Variants in CNNM2 observed in about 807,000 individuals in gnomAD.
The protein encoded by CNNM2 is cyclin and CBS domain divalent metal cation transport mediator 2.
A neutral mutation model predicts 66.9 loss-of-function variants in CNNM2; 12 were observed. That is an observed-to-expected ratio of 0.18 (90% confidence interval 0.11 to 0.29). The LOEUF is 0.29. Among genes scored for constraint, CNNM2 ranks in the 10% least tolerant of loss-of-function variants. The pLI is 1.00. For missense variants in CNNM2, 705 were observed against 1,167.7 expected, an observed-to-expected ratio of 0.60 and a Z score of 5.77; for synonymous variants, 557 against 501.8, an observed-to-expected ratio of 1.11 and a Z score of -1.47.
intron 1 of CNNM2, among the ~76,000 whole-genome samples, 162 bp downstream of exon 1, chr10:102,920,263 T>G (rs978723228): frequency 6.6e-5 from 10 of 152,168 alleles, no homozygotes; most frequent in Non-Finnish European, 1.5e-4. Flanking sequence ...GATTTGGGGA[T>G]GGATTGAACT....
chr10:103,040,038 A>C (rs1446298863), intron 1 of CNNM2, among the ~76,000 whole-genome samples: 1 of 152,008 alleles, frequency 6.6e-6, no homozygotes, highest in Non-Finnish European at 1.5e-5. Flanking sequence ...ATGGTGGTGC[A>C]TGCCTGTAAT....
chr10:102,979,791 A>G (rs925533715), intron 1 of CNNM2, among the ~76,000 whole-genome samples: 1 of 42,486 alleles, frequency 2.4e-5, no homozygotes, highest in Admixed American at 2.1e-4. Context: ...AAAATTACTT[A>G]ATTTTAATTT....
intron 1 of CNNM2, among the ~76,000 whole-genome samples, chr10:102,995,887 A>G (rs2063990728): frequency 6.6e-6 from 1 of 151,956 alleles, no homozygotes; most frequent in African/African-American, 2.4e-5. Flanking sequence ...TTTAGTAGAG[A>G]TGGGGTTTCT....
intron 1 of CNNM2, among the ~76,000 whole-genome samples, chr10:103,005,034 T>C (rs2064198742): frequency 6.6e-6 from 1 of 152,060 alleles, no homozygotes; most frequent in Non-Finnish European, 1.5e-5. Context: ...TTCCTCAGCC[T>C]CCCGAGTAGC....
At chr10:102,923,144 C>T (rs61870816) in intron 1 of CNNM2, among the ~76,000 whole-genome samples, 2 of 150,656 alleles carry the variant, frequency 1.3e-5, no homozygotes, top group African/African-American at 2.4e-5. Flanking sequence ...TTTTTTTCCC[C>T]AAGAGACAAG....
At chr10:102,940,118 A>G (rs1240007489) in intron 1 of CNNM2, among the ~76,000 whole-genome samples, 1 of 152,030 alleles carries the variant, frequency 6.6e-6, no homozygotes, top group African/African-American at 2.4e-5. Flanking sequence ...CTTCTTTTTT[A>G]AAAATTTTTA....
intron 1 of CNNM2, among the ~76,000 whole-genome samples, chr10:102,959,611 C>G (rs894984425): frequency 2.0e-5 from 3 of 152,072 alleles, no homozygotes; most frequent in Non-Finnish European, 4.4e-5. Flanking sequence ...GGGTCTTGCT[C>G]TGTCACCCAA....
In CNNM2 at chr10:103,077,303, C is replaced by A; in HGVS notation, c.*123C>A. 1 of 847,074 alleles carries A rather than the reference C, an allele frequency of 1.2e-6. No homozygotes were observed. The highest frequency in any genetic ancestry group is 1.8e-6 in the Non-Finnish European group (1 of 548,158). The allele number at this position is 847,074 out of a possible 1,614,324, so 52.5% of individuals were successfully genotyped here. A position where few individuals can be genotyped will look rare whatever the true frequency, so the allele number is the denominator to read the frequency against. ...GCTGTACCCTGCAACATCCTGAGAC[C>A]AAAGACCTTGTGCCCTTCCCAGGAG... is the stretch of plus-strand genomic sequence containing the variant. On this transcript the variant is annotated 3_prime_UTR_variant, in exon 8 of 8. Transcript: ENST00000369878.
chr10:102,942,710 A>G (rs1373115791), intron 1 of CNNM2, among the ~76,000 whole-genome samples: 1 of 152,212 alleles, frequency 6.6e-6, no homozygotes, highest in African/African-American at 2.4e-5. Context: ...TAGTAATTCT[A>G]TTCTTAATTT....
At position 103,085,473 on chromosome 10, in the gene CNNM2, G is replaced by C. The variant is rs559173407; in HGVS notation, c.*8293G>C. 11 of 152,304 alleles carry C rather than the reference G, an allele frequency of 7.2e-5. No individual in the cohort carries two copies. Among genetic ancestry groups the C allele is most frequent in the African/African-American group, 2.6e-4 (11 of 41,570 alleles). 9.4% of individuals were successfully genotyped at this position (152,304 alleles called of 1,614,324 possible). The stretch of plus-strand genomic sequence containing the variant: ...GAAGGACTATTGCTGCCTTTCGTGG[G>C]AAAAATGTGTGCTCAGCTGCTTGGG... On this transcript the variant is annotated 3_prime_UTR_variant, in exon 8 of 8. Coordinates refer to ENST00000369878, the MANE Select transcript of CNNM2 (RefSeq NM_017649.5).
Position 102,983,080 on chromosome 10 carries a change from T to C in CNNM2, c.1621+62979T>C, listed in dbSNP as rs944558676. ...CCCATATTTTGTGGCTTATTGTTTG[T>C]TCAACTTTGATATTGATTTTAATTG... On this transcript the variant is annotated intron_variant, in intron 1 of 7. Coordinates refer to ENST00000369878, the MANE Select transcript of CNNM2 (RefSeq NM_017649.5). 8.5e-5 allele frequency among the ~76,000 whole-genome samples: 13 copies of C among 152,186 alleles called. No individual in the cohort carries two copies. In the East Asian group the frequency reaches 2.5e-3, roughly 29 times the overall value.
chr10:103,067,464 G>A (rs959521730), intron 4 of CNNM2, among the ~76,000 whole-genome samples: 1 of 152,170 alleles, frequency 6.6e-6, no homozygotes, highest in African/African-American at 2.4e-5. Context: ...GCTGCATCGA[G>A]TTGTGCACAT....
At position 103,054,342 on chromosome 10, in the gene CNNM2, G is replaced by C. The variant is rs780257259; in HGVS notation, c.1779G>C (p.Thr593=). The C allele has an allele frequency of 7.4e-6, 12 of 1,613,398 alleles. No individual in the cohort carries two copies. Among genetic ancestry groups the C allele is most frequent in the Admixed American group, 1.7e-5 (1 of 59,982 alleles). ...DETDLYTDNR[T]KKKVAHRERK... Reference sequence around the variant, plus strand: ...TTCCTCCCTTAGCTGACAACAGAACGAAAAAGAAAGTGGCTCACCGGGAAC... The same window carrying C: ...TTCCTCCCTTAGCTGACAACAGAACCAAAAAGAAAGTGGCTCACCGGGAAC... Residue 593 remains threonine (T), a synonymous_variant, in exon 3 of 8, where the codon ACG becomes ACC. Transcript: ENST00000369878. This position sits in a 1 kb window ranked among gnomAD's most constrained non-coding sequence, Gnocchi z 5.2.
At chr10:102,965,640 G>T (rs897178631) in intron 1 of CNNM2, among the ~76,000 whole-genome samples, 1 of 152,136 alleles carries the variant, frequency 6.6e-6, no homozygotes, top group South Asian at 2.1e-4. Flanking sequence ...TTGAGTCAGC[G>T]TCTTTATCCT....
At position 103,088,326 on chromosome 10, in the gene CNNM2, T is replaced by TAACA. The variant is rs1179808947; in HGVS notation, c.*11147_*11150dup. On this transcript the variant is annotated 3_prime_UTR_variant, in exon 8 of 8. Coordinates refer to ENST00000369878, the MANE Select transcript of CNNM2 (RefSeq NM_017649.5). ...TACTGGTGAAACAGTTTTAATACCCTAACATACACAGTAATGATTCATTCT... is the reference window on the plus strand; with the variant it reads ...TACTGGTGAAACAGTTTTAATACCCTAACAAACATACACAGTAATGATTCATTCT... The TAACA allele has an allele frequency of 2.0e-5, 3 of 152,376 alleles. No individual in the cohort carries two copies. The highest frequency in any genetic ancestry group is 3.4e-3 in the Middle Eastern group (1 of 294). 9.4% of individuals were successfully genotyped at this position (152,376 alleles called of 1,614,324 possible). A position where few individuals can be genotyped will look rare whatever the true frequency, so the allele number is the denominator to read the frequency against.
At chr10:102,964,746 ACCT>A (rs1413129134) in intron 1 of CNNM2, among the ~76,000 whole-genome samples, 1 of 151,920 alleles carries the variant, frequency 6.6e-6, no homozygotes, top group African/African-American at 2.4e-5. Flanking sequence ...TCTTTAAAAC[ACCT>A]CCTAGGATTC....
chr10:103,011,191 A>G (rs762271294), intron 1 of CNNM2, among the ~76,000 whole-genome samples: 8 of 152,210 alleles, frequency 5.3e-5, no homozygotes, highest in Non-Finnish European at 1.2e-4. Flanking sequence ...ACAGTGGCTC[A>G]TGCCTGTAAT....
At chr10:102,949,509 C>T (rs980910874) in intron 1 of CNNM2, among the ~76,000 whole-genome samples, 16 of 151,652 alleles carry the variant, frequency 1.1e-4, no homozygotes, top group African/African-American at 3.6e-4. Context: ...AGTGGCCGGG[C>T]ACAGTGGCTC....
Position 103,053,909 on chromosome 10 carries a change from C to A in CNNM2, c.1766-420C>A, listed in dbSNP as rs374713984. On this transcript the variant is annotated intron_variant, in intron 2 of 7. Transcript: ENST00000369878. The stretch of plus-strand genomic sequence containing the variant: ...CTCTTACAGGCAGGGACACTCCTCC[C>A]TTGTGTGTACACAGTGGTGGTCCTT... Among the ~76,000 whole-genome samples the A allele has an allele frequency of 1.2e-3, 179 of 152,310 alleles. 5 individuals are homozygous for A. The South Asian group carries it at 0.034, about 29-fold the overall frequency.
Sources: gnomAD v4.1 joint callset for allele counts (sites outside exome capture counted in the v4.1 genomes callset) on GRCh38, gnomAD v4.1.1 for gene constraint, Gnocchi (gnomAD v3.1) non-coding constraint, MANE v1.5 for transcripts, NCBI Gene and HGNC (gene_info 2026-07-23, HGNC 2026-07-21) for gene names.